FRMD7: variants seen among roughly 807,000 people sequenced by gnomAD.
FRMD7 encodes FERM domain containing 7.
Under a neutral mutation model 44.1 loss-of-function variants are expected in FRMD7, and 14 were observed. The observed-to-expected ratio is 0.32, with a 90% CI of 0.21 to 0.50. The LOEUF (loss-of-function observed/expected upper bound fraction) is 0.50, where lower values mean the gene tolerates loss of function less well. Ranked by LOEUF, FRMD7 falls within the 20% of genes least tolerant of loss-of-function variation. FRMD7 has a pLI of 0.99. For missense variants in FRMD7, 501 were observed against 522.3 expected (o/e 0.96, Z 0.40); for synonymous variants, 212 against 187.4 (o/e 1.13, Z -1.07).
chrX:132,081,364 C>CAAA (rs71827852), intron 9 of FRMD7, among the ~76,000 whole-genome samples: 1 of 108,670 alleles, frequency 9.2e-6, no homozygotes, highest in African/African-American at 3.4e-5. Context: ...ACAACAACAA[C>CAAA]AAAAAAAAAC....
intron 1 of FRMD7, among the ~76,000 whole-genome samples, chrX:132,119,380 G>A (rs1928979614): frequency 1.8e-5 from 2 of 112,544 alleles, no homozygotes; most frequent in Non-Finnish European, 3.7e-5. Context: ...AAAATGTTCT[G>A]AGTGTGAAGT....
At chrX:132,122,871 C>T (rs1422597308) in intron 1 of FRMD7, among the ~76,000 whole-genome samples, 1 of 111,918 alleles carries the variant, frequency 8.9e-6, no homozygotes, top group Admixed American at 9.5e-5. Context: ...GTGGTCTCTG[C>T]CACCTTCAGG....
chrX:132,081,727 C>T (rs1451734061), intron 9 of FRMD7, among the ~76,000 whole-genome samples: 2 of 112,386 alleles, frequency 1.8e-5, no homozygotes, highest in Non-Finnish European at 3.8e-5. Flanking sequence ...AAACTTCCTC[C>T]AACGGATTCC....
At chrX:132,093,339 C>G (rs1188925144) in intron 5 of FRMD7, among the ~76,000 whole-genome samples, 1 of 112,426 alleles carries the variant, frequency 8.9e-6, no homozygotes, top group Non-Finnish European at 1.9e-5. Context: ...GGAGGCCTCT[C>G]TAGAAGGGAG....
intron 1 of FRMD7, among the ~76,000 whole-genome samples, chrX:132,103,458 T>C (rs1928559415): frequency 9.1e-6 from 1 of 109,294 alleles, no homozygotes; most frequent in South Asian, 4.0e-4. Context: ...TCCTGAATCC[T>C]GTCTCATCCT....
intron 1 of FRMD7, among the ~76,000 whole-genome samples, chrX:132,116,063 C>G (rs1227225052): frequency 1.8e-5 from 2 of 111,771 alleles, no homozygotes; most frequent in Non-Finnish European, 3.8e-5. Context: ...GAAATGTTTG[C>G]ACCACACCCC....
intron 1 of FRMD7, among the ~76,000 whole-genome samples, chrX:132,120,324 G>C (rs1318374808): frequency 1.8e-5 from 2 of 112,675 alleles, no homozygotes; most frequent in African/African-American, 6.4e-5. Flanking sequence ...AATTCGGAGG[G>C]AAGATCTGCA....
intron 1 of FRMD7, among the ~76,000 whole-genome samples, chrX:132,113,112 A>G (rs1487815777): frequency 9.0e-6 from 1 of 111,557 alleles, no homozygotes; most frequent in African/African-American, 3.3e-5. Flanking sequence ...TTGAAAAGTG[A>G]CAGTGTAATA....
chrX:132,089,392 T>C lies in FRMD7; in HGVS notation c.383-3358A>G, dbSNP rs886388517. Among the ~76,000 whole-genome samples the C allele has an allele frequency of 9.0e-5, 10 of 111,530 alleles. 1 individual carries two copies. In the South Asian group the frequency reaches 3.7e-3, roughly 41 times the overall value. Reference sequence around the variant, plus strand: ...GGATCATAGATCTAACTATAAGAGGTAAATTTATAAAAGTTCTAGGAGAAA... The same window carrying C: ...GGATCATAGATCTAACTATAAGAGGCAAATTTATAAAAGTTCTAGGAGAAA... On this transcript the variant is annotated intron_variant, in intron 5 of 11. Coordinates refer to ENST00000298542, the MANE Select transcript of FRMD7 (RefSeq NM_194277.3).
Position 132,078,280 on chromosome X carries a change from T to C in FRMD7, c.1737A>G (p.Val579=), listed in dbSNP as rs1927680578. 1 of 1,211,583 alleles carries C rather than the reference T, an allele frequency of 8.3e-7. No individual in the cohort carries two copies. ...TAGGGGTTTGCTCTTGAATGTTACA[T>C]ACAAATGCATCTTCCAAATTTGGGT... is the stretch of plus-strand genomic sequence containing the variant. ...EEDPNLEDAF[V]CNIQEQTPKR... is the part of the protein sequence containing the mutation. Residue 579 remains valine (V), a synonymous_variant, in exon 12 of 12, where the codon GTA becomes GTG. Transcript: ENST00000298542.
intron 1 of FRMD7, among the ~76,000 whole-genome samples, chrX:132,117,218 A>AT (rs1450653301): frequency 1.8e-5 from 2 of 112,000 alleles, no homozygotes; most frequent in Non-Finnish European, 3.8e-5. Flanking sequence ...AATGGGGTTG[A>AT]TATTTTGGAG....
intron 1 of FRMD7, among the ~76,000 whole-genome samples, chrX:132,121,817 T>C (rs1294130678): frequency 1.8e-5 from 2 of 111,847 alleles, no homozygotes; most frequent in Admixed American, 1.9e-4. Context: ...TAGAATGTAG[T>C]AAAATGCAAA....
At chrX:132,097,201 C>T (rs1928363294) in intron 4 of FRMD7, 65 bp downstream of exon 4, 18 of 824,539 alleles carry the variant, frequency 2.2e-5, no homozygotes, top group Non-Finnish European at 3.3e-5. Flanking sequence ...GCACTTGCCC[C>T]CAATAAATGG....
chrX:132,088,997 C>G (rs992955194), intron 5 of FRMD7, among the ~76,000 whole-genome samples: 1 of 111,930 alleles, frequency 8.9e-6, no homozygotes, highest in Non-Finnish European at 1.9e-5. Flanking sequence ...GACAAATGAC[C>G]TTAAAATTTA....
chrX:132,092,846 C>T (rs1928219765), intron 5 of FRMD7, among the ~76,000 whole-genome samples: 2 of 111,603 alleles, frequency 1.8e-5, no homozygotes, highest in African/African-American at 6.5e-5. Context: ...TTAGTGTCCT[C>T]GGCATTCAAG....
At chrX:132,080,502 A>AATC (rs1927773782) in intron 9 of FRMD7, among the ~76,000 whole-genome samples, 1 of 112,119 alleles carries the variant, frequency 8.9e-6, no homozygotes, top group Non-Finnish European at 1.9e-5. Flanking sequence ...ATAACAGCTA[A>AATC]AAATTGTGGG....
intron 8 of FRMD7, among the ~76,000 whole-genome samples, chrX:132,083,965 TA>T (rs1317921350): frequency 1.8e-5 from 2 of 111,267 alleles, no homozygotes; most frequent in East Asian, 2.8e-4. Context: ...ATCTCTAGAA[TA>T]AAAAAAGAAG....
intron 1 of FRMD7, among the ~76,000 whole-genome samples, chrX:132,107,896 A>C (rs1384888984): frequency 1.8e-5 from 2 of 111,399 alleles, no homozygotes; most frequent in Non-Finnish European, 1.9e-5. Context: ...TCAAATAATG[A>C]AGATTTGTGA....
intron 1 of FRMD7, among the ~76,000 whole-genome samples, chrX:132,111,473 A>G (rs1928776860): frequency 9.0e-6 from 1 of 111,207 alleles, no homozygotes; most frequent in African/African-American, 3.3e-5. Context: ...CTTTTGGTGA[A>G]CCTCAGAGCT....
Sources: allele counts gnomAD v4.1 joint callset (sites outside exome capture counted in the v4.1 genomes callset), GRCh38; gene constraint gnomAD v4.1.1; transcripts MANE v1.5; gene names NCBI Gene and HGNC (gene_info 2026-07-23, HGNC 2026-07-21).